Variants in EXOC2 observed in about 807,000 individuals in gnomAD.
EXOC2 encodes exocyst complex component 2.
EXOC2 carries 70 observed loss-of-function variants against 131.8 expected under a neutral mutation model. The observed-to-expected ratio is 0.53, with a 90% CI of 0.44 to 0.65. EXOC2 has a LOEUF of 0.65. EXOC2 is among the 30% of genes least tolerant of loss of function. The pLI is 0.00. For synonymous variants in EXOC2, 411 were observed against 398.4 expected (o/e 1.03, Z -0.38); for missense variants, 923 against 1,108.6 (o/e 0.83, Z 2.38).
intron 4 of EXOC2, among the ~76,000 whole-genome samples, chr6:624,273 A>G (rs950946258): frequency 1.3e-5 from 2 of 152,222 alleles, no homozygotes; most frequent in South Asian, 4.1e-4. Flanking sequence ...AGTAATAAGC[A>G]GTGGCTAAGA....
At chr6:677,972 C>T (rs1232669786) in intron 1 of EXOC2, among the ~76,000 whole-genome samples, 2 of 145,510 alleles carry the variant, frequency 1.4e-5, no homozygotes, top group East Asian at 2.0e-4. Context: ...ACACTCTTCA[C>T]GTTGTCACTC....
At chr6:516,294 G>A (rs1051779695) in intron 23 of EXOC2, among the ~76,000 whole-genome samples, 1 of 152,178 alleles carries the variant, frequency 6.6e-6, no homozygotes, top group Non-Finnish European at 1.5e-5. Context: ...GTTCTGGGGC[G>A]GCACTGGAGG....
chr6:628,978 T>C (rs1427772038), intron 4 of EXOC2, among the ~76,000 whole-genome samples: 1 of 152,140 alleles, frequency 6.6e-6, no homozygotes, highest in Non-Finnish European at 1.5e-5. Context: ...CGTGCTACTT[T>C]CCCAAGACAA....
At chr6:548,289 A>G (rs563484420) in intron 22 of EXOC2, among the ~76,000 whole-genome samples, 2 of 152,346 alleles carry the variant, frequency 1.3e-5, no homozygotes, top group African/African-American at 4.8e-5. Flanking sequence ...ACGAACTGGA[A>G]CCACCATTTA....
At chr6:488,535 T>C (rs1294827546) in intron 27 of EXOC2, among the ~76,000 whole-genome samples, 1 of 152,216 alleles carries the variant, frequency 6.6e-6, no homozygotes, top group Non-Finnish European at 1.5e-5. Context: ...TTTCATAACA[T>C]TTTGTATTTT....
At chr6:495,030 C>T (rs1463064145) in intron 25 of EXOC2, among the ~76,000 whole-genome samples, 1 of 150,240 alleles carries the variant, frequency 6.7e-6, no homozygotes, top group Non-Finnish European at 1.5e-5. Flanking sequence ...AGGCACACAG[C>T]ACCACACTTG....
At chr6:509,038 C>T (rs557380693) in intron 23 of EXOC2, among the ~76,000 whole-genome samples, 11 of 152,208 alleles carry the variant, frequency 7.2e-5, no homozygotes, top group Middle Eastern at 3.2e-3. Context: ...CAATGTGGAA[C>T]ATCTTTTCAT....
intron 24 of EXOC2, among the ~76,000 whole-genome samples, chr6:498,049 C>G (rs1763843468): frequency 6.6e-6 from 1 of 152,170 alleles, no homozygotes; most frequent in Admixed American, 6.5e-5. Flanking sequence ...CTGAGAGTTA[C>G]TGTCTTTGGA....
intron 1 of EXOC2, among the ~76,000 whole-genome samples, chr6:679,943 C>T (rs1185128278): frequency 6.6e-6 from 1 of 152,090 alleles, no homozygotes; most frequent in East Asian, 1.9e-4. Flanking sequence ...GATTCAATAG[C>T]TTGTCAAAAA....
In EXOC2 at chr6:658,666, T is replaced by TATATA. The variant is rs1554146211; in HGVS notation, c.-43-20806_-43-20805insTATAT. On this transcript the variant is annotated intron_variant, in intron 1 of 27. Transcript: ENST00000230449. ...TATTTTATATATATATATATATATA[T>TATATA]TTTTTTTTTTTTTAGACGAAGTCTT... 3.8e-3 allele frequency among the ~76,000 whole-genome samples: 250 copies of TATATA among 65,646 alleles called. 4 individuals carry two copies. Among genetic ancestry groups the TATATA allele is most frequent in the Middle Eastern group, 0.012 (2 of 166 alleles). 43.1% of individuals were successfully genotyped at this position (65,646 alleles called of 152,430 possible). A position where few individuals can be genotyped will look rare whatever the true frequency, so the allele number is the denominator to read the frequency against.
intron 11 of EXOC2, among the ~76,000 whole-genome samples, chr6:589,587 C>T (rs1190568221): frequency 6.6e-6 from 1 of 152,198 alleles, no homozygotes; most frequent in Non-Finnish European, 1.5e-5. Context: ...TGAATACATG[C>T]CTATGTGATT....
chr6:604,157 A>G (rs1297890934), intron 7 of EXOC2, among the ~76,000 whole-genome samples: 1 of 152,188 alleles, frequency 6.6e-6, no homozygotes, highest in Non-Finnish European at 1.5e-5. Context: ...CACGACCCTC[A>G]GGAATCTCAA....
chr6:556,373 A>G (rs1382809888), intron 18 of EXOC2, 111 bp downstream of exon 18: 2 of 1,094,458 alleles, frequency 1.8e-6, no homozygotes, highest in Admixed American at 2.1e-5. Context: ...AAATGGAACA[A>G]GCAGGCGAAG....
chr6:572,671 T>C (rs768303053), intron 12 of EXOC2, 27 bp from the exon 13 acceptor site: 2 of 1,604,608 alleles, frequency 1.2e-6, no homozygotes, highest in South Asian at 1.1e-5. Flanking sequence ...TAAAATACTA[T>C]GATTGTACTT....
Position 564,070 on chromosome 6 carries a change from T to C in EXOC2, c.1752A>G (p.Val584=). The change falls in exon 16 of 28, where the codon GTA becomes GTG. Residue 584 remains valine (V), a synonymous_variant. Transcript: ENST00000230449. The part of the protein sequence containing the change: ...TIQDLILDLR[V]RCVMATLQHT... ...GCTGCAACGTGGCCATTACGCAACG[T>C]ACTCGGAGATCCAAGATGAGATCCT... 6.2e-7 allele frequency: 1 copy of C among 1,614,142 alleles called. No homozygotes were observed. Among genetic ancestry groups the C allele is most frequent in the Non-Finnish European group, 8.5e-7 (1 of 1,180,010 alleles).
chr6:525,514 T>G (rs1217665264), intron 23 of EXOC2: 3 of 152,214 alleles, frequency 2.0e-5, no homozygotes, highest in Non-Finnish European at 4.4e-5. Flanking sequence ...AAATTCACCA[T>G]GTATGCCATT....
At chr6:575,610 T>G (rs931480482) in intron 12 of EXOC2, among the ~76,000 whole-genome samples, 1 of 152,206 alleles carries the variant, frequency 6.6e-6, no homozygotes, top group East Asian at 1.9e-4. Context: ...CAGTAGCAGA[T>G]GCCGGCGCAA....
At chr6:599,389 A>T (rs1479025267) in intron 7 of EXOC2, among the ~76,000 whole-genome samples, 164 bp from the exon 8 acceptor site, 1 of 152,226 alleles carries the variant, frequency 6.6e-6, no homozygotes, top group Non-Finnish European at 1.5e-5. Flanking sequence ...CTAAAATAAA[A>T]TTTCCATTTT....
intron 17 of EXOC2, 81 bp downstream of exon 17, chr6:562,703 C>G: frequency 1.1e-6 from 1 of 912,342 alleles, no homozygotes; most frequent in Non-Finnish European, 1.6e-6. Context: ...ACACATGGAG[C>G]ACATGCTCCC....
Sources: allele counts gnomAD v4.1 joint callset (sites outside exome capture counted in the v4.1 genomes callset), GRCh38; gene constraint gnomAD v4.1.1; transcripts MANE v1.5; gene names NCBI Gene and HGNC (gene_info 2026-07-23, HGNC 2026-07-21).